The following CCDC141 variants were observed in gnomAD, a reference collection of about 807,000 sequenced individuals.
CCDC141 encodes the protein coiled-coil domain containing 141, also known as coiled-coil domain-containing protein 141.
CCDC141 carries 168 observed loss-of-function variants against 181.0 expected under a neutral mutation model. The ratio of observed to expected loss-of-function variants is 0.93; its 90% CI spans 0.82 to 1.05. CCDC141 has a LOEUF of 1.05. Among genes scored for constraint, CCDC141 ranks in the 50% least tolerant of loss-of-function variants. The pLI is 0.00. For missense variants in CCDC141, 1,902 were observed against 1,788.5 expected (o/e 1.06, Z -1.14); for synonymous variants, 666 against 642.3 (o/e 1.04, Z -0.56).
intron 2 of CCDC141, among the ~76,000 whole-genome samples, chr2:178,998,725 T>C (rs184099755): frequency 7.9e-5 from 12 of 152,256 alleles, no homozygotes; most frequent in Admixed American, 2.0e-4. Flanking sequence ...CTTTTACAGA[T>C]TCACTTTCTC....
Position 178,978,651 on chromosome 2 carries a change from G to C in CCDC141, c.250C>G (p.Leu84Val). Reference protein sequence around the residue: ...LKALEDRVWELLQEADKTAEE... With the variant: ...LKALEDRVWEVLQEADKTAEE... ...GCTGTCTTGTCTGCTTCCTGCAAGA[G>C]TTCCCATACCCGATCTTCCAAAGCC... is the stretch of plus-strand genomic sequence containing the variant. The change falls in exon 3 of 24, where the codon CTC (leucine) becomes GTC (valine). Residue 84 changes from leucine (L) to valine (V), a missense_variant. By Grantham distance (32) the Leu-to-Val change is conservative (BLOSUM62 1). Coordinates refer to ENST00000443758, the MANE Select transcript of CCDC141 (RefSeq NM_173648.4). 2 of 1,544,856 alleles carry C rather than the reference G, an allele frequency of 1.3e-6. No homozygotes were observed. Among genetic ancestry groups the C allele is most frequent in the Non-Finnish European group, 1.7e-6 (2 of 1,144,578 alleles).
chr2:178,848,128 A>T (rs926204576), intron 21 of CCDC141, among the ~76,000 whole-genome samples: 5 of 152,230 alleles, frequency 3.3e-5, no homozygotes, highest in Non-Finnish European at 7.3e-5. Flanking sequence ...GGAAGGATTT[A>T]TGGAGGAGGC....
intron 22 of CCDC141, among the ~76,000 whole-genome samples, chr2:178,838,707 C>G (rs1221776162): frequency 2.6e-5 from 4 of 152,120 alleles, no homozygotes; most frequent in Non-Finnish European, 4.4e-5. Context: ...GACTTGATGG[C>G]CTTTCCCAAG....
chr2:178,975,250 T>C, intron 3 of CCDC141, 85 bp from the exon 4 acceptor site: 1 of 656,892 alleles, frequency 1.5e-6, no homozygotes, highest in Admixed American at 2.7e-5. Flanking sequence ...ATGTTTTTCA[T>C]AAATTAGTAG....
chr2:178,901,314 T>G (rs1341866853), intron 8 of CCDC141, among the ~76,000 whole-genome samples: 1 of 152,044 alleles, frequency 6.6e-6, no homozygotes, highest in Non-Finnish European at 1.5e-5. Context: ...AAAAGAGAAT[T>G]TTAGGCGAAT....
chr2:178,836,113 T>C lies in CCDC141; in HGVS notation c.4325+781A>G, dbSNP rs1439869487. ...GCAGATTTGTAACTTTGTCCTGAAA[T>C]AAATTTACTTAAGGATGAGAATTTT... is the stretch of plus-strand genomic sequence containing the variant. On this transcript the variant is annotated intron_variant, in intron 23 of 23. Transcript: ENST00000443758. 2.6e-5 allele frequency: 4 copies of C among 152,576 alleles called. 1 individual carries two copies. Among genetic ancestry groups the C allele is most frequent in the Admixed American group, 1.3e-4 (2 of 15,264 alleles). 9.5% of individuals were successfully genotyped at this position (152,576 alleles called of 1,614,324 possible).
At chr2:178,819,670 A>C in the CCDC141 span, among the ~76,000 whole-genome samples, 1 of 152,132 alleles carries the variant, frequency 6.6e-6, no homozygotes, top group Non-Finnish European at 1.5e-5. Flanking sequence ...GGAGGTGCTA[A>C]TGACATCTAG....
intron 23 of CCDC141, among the ~76,000 whole-genome samples, chr2:178,834,972 T>C (rs1684419037): frequency 1.3e-5 from 2 of 151,988 alleles, no homozygotes; most frequent in African/African-American, 4.8e-5. Flanking sequence ...AATTGGAATA[T>C]TGCATATGAA....
chr2:179,044,111 A>C (rs111304131), intron 2 of CCDC141, among the ~76,000 whole-genome samples: 5,516 of 152,216 alleles, frequency 0.036, 104 homozygotes, highest in South Asian at 0.058. Context: ...AAAGTGAAGG[A>C]CCTCTTTAAG....
intron 2 of CCDC141, among the ~76,000 whole-genome samples, chr2:179,031,576 GATC>G (rs765937935): frequency 3.9e-4 from 60 of 151,934 alleles, no homozygotes; most frequent in Non-Finnish European, 5.7e-4. Context: ...GAAAAGCTTA[GATC>G]ATCAATTTGA....
chr2:178,848,253 T>A (rs1487230148), intron 21 of CCDC141, among the ~76,000 whole-genome samples: 1 of 152,158 alleles, frequency 6.6e-6, no homozygotes, highest in Non-Finnish European at 1.5e-5. Flanking sequence ...AGTAGATCAG[T>A]GGGACACAGA....
intron 2 of CCDC141, among the ~76,000 whole-genome samples, chr2:178,984,497 T>A (rs1311088369): frequency 1.3e-5 from 2 of 151,602 alleles, no homozygotes; most frequent in African/African-American, 4.8e-5. Flanking sequence ...GACTAACTGC[T>A]CCAATTAAAA....
chr2:179,015,197 A>AACATCATAT (rs1559049012), intron 2 of CCDC141, among the ~76,000 whole-genome samples: 1 of 21,368 alleles, frequency 4.7e-5, no homozygotes, highest in East Asian at 2.6e-3. Flanking sequence ...TCATCTCATA[A>AACATCATAT]ATATCATATA....
At chr2:178,957,896 T>C (rs974866245) in intron 5 of CCDC141, among the ~76,000 whole-genome samples, 4 of 152,178 alleles carry the variant, frequency 2.6e-5, no homozygotes, top group African/African-American at 9.7e-5. Context: ...CTGGCTACTT[T>C]AAAACATTTT....
chr2:178,923,252 C>G (rs1688779375), intron 6 of CCDC141, among the ~76,000 whole-genome samples: 1 of 151,320 alleles, frequency 6.6e-6, no homozygotes, highest in Non-Finnish European at 1.5e-5. Flanking sequence ...CTACAGGCGC[C>G]CGCCACTACG....
intron 2 of CCDC141, among the ~76,000 whole-genome samples, chr2:178,996,431 T>C (rs1692291255): frequency 6.6e-6 from 1 of 152,140 alleles, no homozygotes; most frequent in African/African-American, 2.4e-5. Context: ...AATAACAGAC[T>C]ATGAATTCAT....
At chr2:179,010,239 C>T (rs1011016870) in intron 2 of CCDC141, among the ~76,000 whole-genome samples, 11 of 152,060 alleles carry the variant, frequency 7.2e-5, no homozygotes, top group African/African-American at 1.9e-4. Context: ...GGGGAATAAT[C>T]GAGGAAAACT....
intron 2 of CCDC141, among the ~76,000 whole-genome samples, chr2:178,979,516 C>G (rs975113142): frequency 2.0e-5 from 3 of 152,042 alleles, no homozygotes; most frequent in Admixed American, 2.0e-4. Context: ...GATGAGTTAA[C>G]TTTTTAAACA....
rs144390638 is a variant in CCDC141, at chr2:179,013,495, C to T, written c.225+33789G>A. Reference sequence around the variant, plus strand: ...TGAACAAATGGACACACATCCCATACTCATGGATGGGTAGAATCAATATTG... The same window carrying T: ...TGAACAAATGGACACACATCCCATATTCATGGATGGGTAGAATCAATATTG... On this transcript the variant is annotated intron_variant, in intron 2 of 23. Coordinates refer to ENST00000443758, the MANE Select transcript of CCDC141 (RefSeq NM_173648.4). Among the ~76,000 whole-genome samples, 1,245 of 152,264 alleles carry T rather than the reference C, an allele frequency of 8.2e-3. 6 individuals are homozygous for T. Among genetic ancestry groups the T allele is most frequent in the African/African-American group, 0.028 (1,157 of 41,556 alleles).
Sources: allele counts gnomAD v4.1 joint callset (sites outside exome capture counted in the v4.1 genomes callset), GRCh38; gene constraint gnomAD v4.1.1; transcripts MANE v1.5; gene names NCBI Gene and HGNC (gene_info 2026-07-23, HGNC 2026-07-21).